The following BRAF variants were observed in gnomAD, a reference collection of about 807,000 sequenced individuals.
The protein encoded by BRAF is B-Raf proto-oncogene, serine/threonine kinase.
BRAF carries 16 observed loss-of-function variants against 104.6 expected under a neutral mutation model. That is an observed-to-expected ratio of 0.15 (90% CI 0.10 to 0.23). BRAF has a LOEUF of 0.23. Among genes scored for constraint, BRAF ranks in the 10% least tolerant of loss-of-function variants. The pLI is 1.00. For synonymous variants in BRAF, 310 were observed against 341.6 expected, an observed-to-expected ratio of 0.91 and a Z score of 1.02; for missense variants, 541 against 937.3, an observed-to-expected ratio of 0.58 and a Z score of 5.52.
chr7:140,814,369 A>C (rs984832965), intron 3 of BRAF, among the ~76,000 whole-genome samples: 2 of 152,122 alleles, frequency 1.3e-5, no homozygotes, highest in South Asian at 4.1e-4. Flanking sequence ...GTATGTTTAA[A>C]ATTTTCCATA....
chr7:140,841,975 T>C (rs1429977433), intron 2 of BRAF, among the ~76,000 whole-genome samples: 1 of 152,198 alleles, frequency 6.6e-6, no homozygotes, highest in Non-Finnish European at 1.5e-5. Flanking sequence ...GTTAATTAAA[T>C]TTAGTCTAAT....
At position 140,754,872 on chromosome 7, in the gene BRAF, AT is replaced by A. The variant is rs1333413393; in HGVS notation, c.1815-640del. ...GGTAGTTGTCATATATTCTTAAAAT[AT>A]TTTCTTAAAACTAGTGAGGAGAAAA... On this transcript the variant is annotated intron_variant, in intron 14 of 19. Coordinates refer to ENST00000644969, the MANE Select transcript of BRAF (RefSeq NM_001374258.1). Among the ~76,000 whole-genome samples the A allele has an allele frequency of 6.6e-5, 10 of 152,318 alleles. No homozygotes were observed. The East Asian group carries it at 9.6e-4, about 15-fold the overall frequency.
chr7:140,864,102 G>A (rs797019550), intron 1 of BRAF, among the ~76,000 whole-genome samples: 16 of 152,220 alleles, frequency 1.1e-4, no homozygotes, highest in South Asian at 1.0e-3. Flanking sequence ...AATGGATTAC[G>A]GTGCGCCAAG....
At chr7:140,766,648 T>A (rs1586079555) in intron 14 of BRAF, among the ~76,000 whole-genome samples, 2 of 152,124 alleles carry the variant, frequency 1.3e-5, no homozygotes, top group African/African-American at 2.4e-5. Flanking sequence ...AGTGGTGCAA[T>A]CTCCACTCAC....
At chr7:140,753,185 T>C (rs989783956) in intron 16 of BRAF, 90 bp downstream of exon 15, 9 of 900,592 alleles carry the variant, frequency 1.0e-5, no homozygotes, top group African/African-American at 4.9e-5. Context: ...ATGAAAATAC[T>C]ATAGTTGAGA....
intron 14 of BRAF, among the ~76,000 whole-genome samples, chr7:140,771,553 TAA>T (rs1799849338): frequency 6.6e-6 from 1 of 152,174 alleles, no homozygotes; most frequent in African/African-American, 2.4e-5. Context: ...TAGCACTTTA[TAA>T]AATGAATCCG....
At chr7:140,921,922 A>G (rs547044827) in intron 1 of BRAF, among the ~76,000 whole-genome samples, 149 of 152,292 alleles carry the variant, frequency 9.8e-4, no homozygotes, top group African/African-American at 3.4e-3. Flanking sequence ...GATCCCTTTA[A>G]GTGAATGTAA....
chr7:140,911,357 T>C (rs937280355), intron 1 of BRAF, among the ~76,000 whole-genome samples: 9 of 152,172 alleles, frequency 5.9e-5, no homozygotes, highest in Admixed American at 3.9e-4. Context: ...CTGTCTACCA[T>C]ATTAAGACGA....
intron 1 of BRAF, among the ~76,000 whole-genome samples, chr7:140,900,623 G>A (rs1007569979): frequency 1.3e-5 from 2 of 152,048 alleles, no homozygotes; most frequent in Admixed American, 6.6e-5. Context: ...TTGTTTGTTT[G>A]TTTTTAAGAC....
intron 8 of BRAF, 108 bp downstream of exon 8, chr7:140,794,198 CTG>C (rs1242878052): frequency 1.5e-6 from 2 of 1,306,412 alleles, no homozygotes; most frequent in East Asian, 2.4e-5. Context: ...CTTAAAATAA[CTG>C]TGATAAATGA....
At chr7:140,732,170 C>CAAAAAAAAAAAAAAAA (rs61727494) in intron 19 of BRAF, 1 of 23,696 alleles carries the variant, frequency 4.2e-5, no homozygotes, top group African/African-American at 7.6e-5. Flanking sequence ...GACTCTGTCT[C>CAAAAAAAAAAAAAAAA]AAAAAAAAAA....
intron 18 of BRAF, among the ~76,000 whole-genome samples, chr7:140,738,462 T>C (rs1407113212): frequency 6.6e-6 from 1 of 152,218 alleles, no homozygotes; most frequent in East Asian, 1.9e-4. Context: ...AGGGTTACTA[T>C]GGGAAATAGC....
chr7:140,863,956 A>G (rs1306410337), intron 1 of BRAF, among the ~76,000 whole-genome samples: 1 of 152,226 alleles, frequency 6.6e-6, no homozygotes, highest in Non-Finnish European at 1.5e-5. Flanking sequence ...TAAATATACC[A>G]TCCCATTTTA....
At chr7:140,732,995 A>G (rs1221710517) in intron 19 of BRAF, 1 of 152,190 alleles carries the variant, frequency 6.6e-6, no homozygotes, top group South Asian at 2.1e-4. Context: ...GATATTTTCC[A>G]ATAGTTGTAC....
intron 1 of BRAF, among the ~76,000 whole-genome samples, chr7:140,855,801 C>G (rs1586422235): frequency 6.6e-6 from 1 of 151,902 alleles, no homozygotes; most frequent in African/African-American, 2.4e-5. Flanking sequence ...AGGTGGATAA[C>G]CTGAGGCCAG....
rs1818633852 is a variant in BRAF at position 140,924,455 on chromosome 7, G to A, written c.138+111C>T. 4 of 1,465,078 alleles carry A rather than the reference G, an allele frequency of 2.7e-6. No individual in the cohort carries two copies. Among genetic ancestry groups the A allele is most frequent in the Non-Finnish European group, 2.8e-6 (3 of 1,087,426 alleles). 90.8% of individuals were successfully genotyped at this position (1,465,078 alleles called of 1,614,324 possible). On this transcript the variant is annotated intron_variant, in intron 1 of 19. Coordinates refer to ENST00000644969, the MANE Select transcript of BRAF (RefSeq NM_001374258.1). The surrounding 1 kb of genome is among the most constrained non-coding windows in gnomAD (Gnocchi z 4.2). ...ACCTCCCAGCCCGCGGAGCTGGCCCGAGAAGGTGGCTGAGGGCATCAAGCC... is the reference window on the plus strand; with the variant it reads ...ACCTCCCAGCCCGCGGAGCTGGCCCAAGAAGGTGGCTGAGGGCATCAAGCC...
rs1352817590 is a variant in BRAF, at chr7:140,722,799, A to T, written c.*3695T>A. ...ATTACATCACTGTTAGTGAAGTGAT[A>T]CCACAGCTATTTAATTTCATGCAAT... is the stretch of plus-strand genomic sequence containing the variant. On this transcript the variant is annotated 3_prime_UTR_variant, in exon 20 of 20. Transcript: ENST00000644969. 1.7e-5 allele frequency: 18 copies of T among 1,053,024 alleles called. No homozygotes were observed. The highest frequency in any genetic ancestry group is 2.0e-5 in the Non-Finnish European group (17 of 871,606). 65.2% of individuals were successfully genotyped at this position (1,053,024 alleles called of 1,614,324 possible).
chr7:140,834,321 G>C (rs561584387), intron 3 of BRAF: 3 of 550,998 alleles, frequency 5.4e-6, no homozygotes, highest in African/African-American at 3.8e-5. Context: ...ACAAGCTCAA[G>C]TCTTAAAATC....
intron 17 of BRAF, chr7:140,747,307 G>T: frequency 1.0e-6 from 1 of 964,102 alleles, no homozygotes; most frequent in Non-Finnish European, 1.3e-6. Context: ...TTTCAGACTA[G>T]CAAATTCCAG....
Sources: allele counts gnomAD v4.1 joint callset (sites outside exome capture counted in the v4.1 genomes callset), GRCh38; gene constraint gnomAD v4.1.1; non-coding constraint Gnocchi (gnomAD v3.1); transcripts MANE v1.5; gene names NCBI Gene and HGNC (gene_info 2026-07-23, HGNC 2026-07-21).